Variants in NEMF observed in about 807,000 individuals in gnomAD.
NEMF encodes nuclear export mediator factor.
In NEMF, 89 loss-of-function variants were observed where a neutral mutation model predicts 162.2. The observed-to-expected ratio is 0.55, with a 90% CI of 0.46 to 0.65. The LOEUF is 0.65. Among genes scored for constraint, NEMF ranks in the 30% least tolerant of loss-of-function variants. The probability of loss-of-function intolerance (pLI) is 0.00; values close to 1 mark genes in which losing one functional copy is unlikely to be tolerated. For missense variants in NEMF, 1,133 were observed against 1,261.9 expected, an observed-to-expected ratio of 0.90 and a Z score of 1.55; for synonymous variants, 421 against 404.5, an observed-to-expected ratio of 1.04 and a Z score of -0.49.
intron 16 of NEMF, among the ~76,000 whole-genome samples, chr14:49,817,533 A>G (rs1037994874): frequency 6.6e-6 from 1 of 152,200 alleles, no homozygotes; most frequent in African/African-American, 2.4e-5. Context: ...CAAGGAAAAA[A>G]TAGTTACAAG....
intron 23 of NEMF, among the ~76,000 whole-genome samples, chr14:49,800,096 A>G (rs1411236741): frequency 6.6e-6 from 1 of 152,218 alleles, no homozygotes; most frequent in African/African-American, 2.4e-5. Context: ...ATTTATAACT[A>G]TGGACTATTC....
At chr14:49,807,896 G>A (rs1180649254) in intron 18 of NEMF, among the ~76,000 whole-genome samples, 1 of 151,906 alleles carries the variant, frequency 6.6e-6, no homozygotes, top group African/African-American at 2.4e-5. Flanking sequence ...GAGCCACAGC[G>A]CCTGACTGGT....
chr14:49,816,755 T>A (rs1289292077), intron 16 of NEMF, among the ~76,000 whole-genome samples: 1 of 152,232 alleles, frequency 6.6e-6, no homozygotes, highest in Admixed American at 6.5e-5. Flanking sequence ...CATTGCTGAA[T>A]GGATGCACTA....
At position 49,828,645 on chromosome 14, in the gene NEMF, G is replaced by A. The variant is rs745320730; in HGVS notation, c.1395C>T (p.Leu465=). The A allele has an allele frequency of 6.3e-7, 1 of 1,582,380 alleles. No individual in the cohort carries two copies. Among genetic ancestry groups the A allele is most frequent in the Non-Finnish European group, 8.5e-7 (1 of 1,171,658 alleles). ...KNKPLLVDVD[L]SLSAYANAKK... Reference sequence around the variant, plus strand: ...TGGCATTGGCATATGCTGACAAGCTGAGATCAACATCTACAAGTAAGGGCT... The same window carrying A: ...TGGCATTGGCATATGCTGACAAGCTAAGATCAACATCTACAAGTAAGGGCT... Residue 465 remains leucine (L), a synonymous_variant, in exon 14 of 33, where the codon CTC becomes CTT. Coordinates refer to ENST00000298310, the MANE Select transcript of NEMF (RefSeq NM_004713.6).
intron 11 of NEMF, among the ~76,000 whole-genome samples, chr14:49,829,810 T>C (rs1892551254): frequency 6.6e-6 from 1 of 152,194 alleles, no homozygotes; most frequent in South Asian, 2.1e-4. Context: ...GGTCCCGCTA[T>C]GTTGCCCAGG....
chr14:49,850,121 T>TA (rs909446026), intron 3 of NEMF, among the ~76,000 whole-genome samples: 1 of 152,092 alleles, frequency 6.6e-6, no homozygotes, highest in Admixed American at 6.6e-5. Context: ...CTTTTTTTTT[T>TA]AGATGGAGTC....
intron 28 of NEMF, 173 bp from the exon 29 acceptor site, chr14:49,786,923 ATG>A (rs1890205479): frequency 3.4e-6 from 2 of 594,014 alleles, no homozygotes; most frequent in Non-Finnish European, 3.0e-6. Context: ...GGATTCGTAT[ATG>A]TGTTTGTGTG....
Position 49,783,478 on chromosome 14 carries a change from C to T in NEMF, c.*1158G>A, listed in dbSNP as rs1890012033. 6.6e-6 allele frequency: 1 copy of T among 151,740 alleles called. No homozygotes were observed. Among genetic ancestry groups the T allele is most frequent in the South Asian group, 2.1e-4 (1 of 4,820 alleles). 9.4% of individuals were successfully genotyped at this position (151,740 alleles called of 1,614,324 possible). A position where few individuals can be genotyped will look rare whatever the true frequency, so the allele number is the denominator to read the frequency against. Reference sequence around the variant, plus strand: ...TGACCTTAATGCTTCAGTGTAGGGGCTGGAGCAAGTGGTCATGCTGAATAC... The same window carrying T: ...TGACCTTAATGCTTCAGTGTAGGGGTTGGAGCAAGTGGTCATGCTGAATAC... On this transcript the variant is annotated 3_prime_UTR_variant, in exon 33 of 33. Transcript: ENST00000298310.
chr14:49,795,301 C>G (rs934963336), intron 26 of NEMF, among the ~76,000 whole-genome samples: 9 of 134,948 alleles, frequency 6.7e-5, no homozygotes, highest in African/African-American at 1.9e-4. Context: ...GACTGCACCA[C>G]TGCATTCCAG....
intron 5 of NEMF, among the ~76,000 whole-genome samples, chr14:49,839,072 T>TA (rs201316482): frequency 0.011 from 1,696 of 151,166 alleles, 16 homozygotes; most frequent in African/African-American, 0.024. Flanking sequence ...TGTTAATTTT[T>TA]TTTTTTTTAT....
At chr14:49,840,963 G>A (rs570819651) in intron 4 of NEMF, 97 bp from the exon 5 acceptor site, 24 of 995,934 alleles carry the variant, frequency 2.4e-5, no homozygotes, top group Middle Eastern at 3.2e-4. Context: ...GTGGAAGGCC[G>A]AGGCAGGCAG....
At chr14:49,815,397 T>C (rs1891668691) in intron 16 of NEMF, among the ~76,000 whole-genome samples, 1 of 152,200 alleles carries the variant, frequency 6.6e-6, no homozygotes, top group Non-Finnish European at 1.5e-5. Context: ...ACCTGCAAGA[T>C]AAAAAGTACA....
At chr14:49,840,186 G>A (rs2140005992) in intron 5 of NEMF, among the ~76,000 whole-genome samples, 1 of 152,190 alleles carries the variant, frequency 6.6e-6, no homozygotes, top group Non-Finnish European at 1.5e-5. Context: ...AGACAACCGA[G>A]CACAGTGGCT....
intron 16 of NEMF, among the ~76,000 whole-genome samples, chr14:49,821,698 C>T (rs1459245515): frequency 2.1e-5 from 3 of 144,268 alleles, no homozygotes; most frequent in Non-Finnish European, 3.1e-5. Context: ...GGGCTCAGCC[C>T]CCCGCCCGGC....
chr14:49,786,730 T>C lies in NEMF; in HGVS notation c.2916A>G (p.Gln972=). 6.2e-7 allele frequency: 1 copy of C among 1,613,526 alleles called. No individual in the cohort carries two copies. Among genetic ancestry groups the C allele is most frequent in the Non-Finnish European group, 8.5e-7 (1 of 1,179,528 alleles). ...HDDKEEQDLD[Q]QGNEENLFDS... is the part of the protein sequence containing the mutation. ...CATAAAATCATACCTCATTTCCCTG[T>C]TGATCCAGATCTTGCTCTTCCTGTT... The change falls in exon 29 of 33, where the codon CAA becomes CAG. Residue 972 remains glutamine (Q), a synonymous_variant. Transcript: ENST00000298310.
chr14:49,809,822 C>G (rs1891387075), intron 18 of NEMF, among the ~76,000 whole-genome samples: 1 of 151,996 alleles, frequency 6.6e-6, no homozygotes, highest in South Asian at 2.1e-4. Context: ...GATTACGCAA[C>G]TGCACTCCAG....
intron 5 of NEMF, among the ~76,000 whole-genome samples, chr14:49,839,089 T>A (rs1478953374): frequency 6.6e-6 from 1 of 151,948 alleles, no homozygotes; most frequent in African/African-American, 2.4e-5. Context: ...TTATTTTTTT[T>A]ATTTTTGAGA....
chr14:49,785,026 A>C, intron 31 of NEMF, 22 bp from the exon 32 acceptor site: 1 of 1,609,300 alleles, frequency 6.2e-7, no homozygotes, highest in Non-Finnish European at 8.5e-7. Context: ...AAAAAGAGTA[A>C]GAATAATCTA....
intron 28 of NEMF, among the ~76,000 whole-genome samples, chr14:49,787,408 GGGTGTGGT>G (rs1183103118): frequency 6.6e-6 from 1 of 152,208 alleles, no homozygotes; most frequent in East Asian, 1.9e-4. Flanking sequence ...ACCTTAGGCT[GGGTGTGGT>G]GGCTCATACC....
Sources: allele counts gnomAD v4.1 joint callset (sites outside exome capture counted in the v4.1 genomes callset), GRCh38; gene constraint gnomAD v4.1.1; transcripts MANE v1.5; gene names NCBI Gene and HGNC (gene_info 2026-07-23, HGNC 2026-07-21).